TMEM168: variants seen among roughly 807,000 people sequenced by gnomAD.
The protein encoded by TMEM168 is transmembrane protein 168.
TMEM168 carries 40 observed loss-of-function variants against 53.2 expected under a neutral mutation model. The observed-to-expected ratio is 0.75, with a 90% CI of 0.58 to 0.98. The LOEUF (loss-of-function observed/expected upper bound fraction) is 0.98, where lower values mean the gene tolerates loss of function less well. Among genes scored for constraint, TMEM168 ranks in the 50% least tolerant of loss-of-function variants. TMEM168 has a pLI of 0.00. For missense variants in TMEM168, 771 were observed against 828.8 expected (o/e 0.93, Z 0.86); for synonymous variants, 282 against 293.0 (o/e 0.96, Z 0.38).
intron 4 of TMEM168, among the ~76,000 whole-genome samples, chr7:112,768,250 G>A (rs1467242960): frequency 6.6e-6 from 1 of 152,174 alleles, no homozygotes; most frequent in African/African-American, 2.4e-5. Flanking sequence ...TCATAAATAA[G>A]TTTATTGGAA....
intron 2 of TMEM168, among the ~76,000 whole-genome samples, chr7:112,779,152 A>T (rs1584445879): frequency 6.6e-6 from 1 of 152,138 alleles, no homozygotes; most frequent in Non-Finnish European, 1.5e-5. Flanking sequence ...TGGCCTCCCA[A>T]ACTGCTGGAA....
Position 112,784,077 on chromosome 7 carries a change from T to TC in TMEM168, c.748dup (p.Glu250GlyfsTer25). On this transcript the variant is annotated frameshift_variant, in exon 2 of 5. Coordinates refer to ENST00000312814, the MANE Select transcript of TMEM168 (RefSeq NM_022484.6). LOFTEE classifies it high-confidence loss of function. ...ACGGTACAAAAAGGGTTTCCATCTT[T>TC]CAGTTACTGAAAGTCCACTAAAATA... The TC allele has an allele frequency of 6.2e-7, 1 of 1,612,692 alleles. No individual in the cohort carries two copies. The highest frequency in any genetic ancestry group is 8.5e-7 in the Non-Finnish European group (1 of 1,179,718).
At position 112,762,955 on chromosome 7, in the gene TMEM168, T is replaced by C. The variant is rs957228736; in HGVS notation, c.*4242A>G. 1.3e-5 allele frequency: 2 copies of C among 152,114 alleles called. No individual in the cohort carries two copies. The highest frequency in any genetic ancestry group is 4.8e-5 in the African/African-American group (2 of 41,452). 9.4% of individuals were successfully genotyped at this position (152,114 alleles called of 1,614,324 possible). A position where few individuals can be genotyped will look rare whatever the true frequency, so the allele number is the denominator to read the frequency against. ...GCTTATGCTTATAGGCCTATTTTAC[T>C]GACCTTCCAATTTAGTTGTCACTGA... is the stretch of plus-strand genomic sequence containing the variant. On this transcript the variant is annotated 3_prime_UTR_variant, in exon 5 of 5. Transcript: ENST00000312814.
At chr7:112,769,969 C>CT (rs1792887515) in intron 4 of TMEM168, among the ~76,000 whole-genome samples, 2 of 152,148 alleles carry the variant, frequency 1.3e-5, no homozygotes, top group South Asian at 4.1e-4. Flanking sequence ...ACTGGGCCTG[C>CT]TATCAACTTG....
Position 112,764,569 on chromosome 7 carries a change from C to G in TMEM168, c.*2628G>C, listed in dbSNP as rs1249750576. ...AGGCTGGAGTGCAGTGGCGCAATCT[C>G]GGCTCACTGCAACCTCTGCCTCCCC... On this transcript the variant is annotated 3_prime_UTR_variant, in exon 5 of 5. Coordinates refer to ENST00000312814, the MANE Select transcript of TMEM168 (RefSeq NM_022484.6). The G allele has an allele frequency of 6.6e-6, 1 of 150,844 alleles. No individual in the cohort carries two copies. The highest frequency in any genetic ancestry group is 1.5e-5 in the Non-Finnish European group (1 of 67,916). The allele number at this position is 150,844 out of a possible 1,614,324, so 9.3% of individuals were successfully genotyped here.
At chr7:112,775,481 T>C (rs540287120) in intron 2 of TMEM168, among the ~76,000 whole-genome samples, 163 bp from the exon 3 acceptor site, 18 of 152,134 alleles carry the variant, frequency 1.2e-4, no homozygotes, top group Non-Finnish European at 2.2e-4. Flanking sequence ...CACGTATACA[T>C]GGATGAGCTA....
At chr7:112,778,047 C>A (rs1793136740) in intron 2 of TMEM168, among the ~76,000 whole-genome samples, 1 of 151,898 alleles carries the variant, frequency 6.6e-6, no homozygotes, top group Non-Finnish European at 1.5e-5. Flanking sequence ...TCTGTTTCTT[C>A]CAGAGAGCTG....
Position 112,767,676 on chromosome 7 carries a change from G to A in TMEM168, c.1615C>T (p.Arg539Trp), listed in dbSNP as rs369992851. ...WREKNGSFCS[R>W]LIIVLDSENS... The stretch of plus-strand genomic sequence containing the variant: ...TCGCTGTCTAATACGATAATAAGCC[G>A]GGAACAAAAGGAACCATTCTTTTCT... The change falls in exon 5 of 5, where the codon CGG becomes TGG. Residue 539 changes from arginine to tryptophan, a missense_variant. Transcript: ENST00000312814. The A allele has an allele frequency of 1.7e-5, 27 of 1,613,790 alleles. No individual in the cohort carries two copies. Among genetic ancestry groups the A allele is most frequent in the African/African-American group, 1.2e-4 (9 of 74,856 alleles).
Position 112,766,980 on chromosome 7 carries a change from T to C in TMEM168, c.*217A>G, listed in dbSNP as rs1431611088. 4 of 528,730 alleles carry C rather than the reference T, an allele frequency of 7.6e-6. No homozygotes were observed. In the African/African-American group the frequency reaches 7.7e-5, roughly 10 times the overall value. The allele number at this position is 528,730 out of a possible 1,614,324, so 32.8% of individuals were successfully genotyped here. A position where few individuals can be genotyped will look rare whatever the true frequency, so the allele number is the denominator to read the frequency against. On this transcript the variant is annotated 3_prime_UTR_variant, in exon 5 of 5. Coordinates refer to ENST00000312814, the MANE Select transcript of TMEM168 (RefSeq NM_022484.6). Reference sequence around the variant, plus strand: ...TGTTATTTTTAACGTCTCTTATGCATTTACAGTAAGCATTTGACTCCCTAC... The same window carrying C: ...TGTTATTTTTAACGTCTCTTATGCACTTACAGTAAGCATTTGACTCCCTAC...
chr7:112,775,735 GA>G lies in TMEM168; in HGVS notation c.1129-418del, dbSNP rs1392274836. Among the ~76,000 whole-genome samples, 6 of 152,036 alleles carry G rather than the reference GA, an allele frequency of 3.9e-5. No homozygotes were observed. In the Middle Eastern group the frequency reaches 0.014, roughly 345 times the overall value. On this transcript the variant is annotated intron_variant, in intron 2 of 4. Coordinates refer to ENST00000312814, the MANE Select transcript of TMEM168 (RefSeq NM_022484.6). ...ACAGATTTATTTACTTTATCAAAAA[GA>G]GTGCTTTAGAAAGGGGTCATTTTTT...
rs147283830 is a variant in TMEM168 at position 112,783,861 on chromosome 7, T to G, written c.965A>C (p.Lys322Thr). The G allele has an allele frequency of 6.2e-7, 1 of 1,604,494 alleles. No homozygotes were observed. The highest frequency in any genetic ancestry group is 2.2e-5 in the East Asian group (1 of 44,796). Residue 322 changes from lysine to threonine, a missense_variant, in exon 2 of 5, where the codon AAA becomes ACA. Coordinates refer to ENST00000312814, the MANE Select transcript of TMEM168 (RefSeq NM_022484.6). ...FLLTLWGFHT[K>T]LNDCHKVYFT... ...ATATACTTTATGGCAGTCATTTAATTTGGTATGGAATCCCCAAAGAGTTAA... is the reference window on the plus strand; with the variant it reads ...ATATACTTTATGGCAGTCATTTAATGTGGTATGGAATCCCCAAAGAGTTAA...
At position 112,775,355 on chromosome 7, in the gene TMEM168, T is replaced by C. The variant is rs1261160105; in HGVS notation, c.1129-37A>G. On this transcript the variant is annotated intron_variant, in intron 2 of 4. Transcript: ENST00000312814. ...CCAAAACATGTTTACATAGTACATG[T>C]ACATATGTGTATATATTTACATGCA... 3.2e-6 allele frequency: 5 copies of C among 1,575,516 alleles called. No homozygotes were observed. The African/African-American group carries it at 4.1e-5, about 13-fold the overall frequency.
At position 112,787,212 on chromosome 7, in the gene TMEM168, G is replaced by A. The variant is rs143007649; in HGVS notation, c.-128-2259C>T. ...CATATCCTCTATGAAGCTCAATCTC[G>A]TGTCCTTTTGACAGCTGGTATTTAG... On this transcript the variant is annotated intron_variant, in intron 1 of 4. Coordinates refer to ENST00000312814, the MANE Select transcript of TMEM168 (RefSeq NM_022484.6). 5.3e-3 allele frequency among the ~76,000 whole-genome samples: 802 copies of A among 152,210 alleles called. 3 individuals are homozygous for A. The highest frequency in any genetic ancestry group is 0.018 in the African/African-American group (740 of 41,538).
At chr7:112,779,273 A>C (rs1398803568) in intron 2 of TMEM168, among the ~76,000 whole-genome samples, 2 of 152,232 alleles carry the variant, frequency 1.3e-5, no homozygotes, top group Non-Finnish European at 2.9e-5. Context: ...AAGCAAGCTT[A>C]GAAAAACAGT....
intron 2 of TMEM168, among the ~76,000 whole-genome samples, chr7:112,778,908 T>C (rs1430796702): frequency 6.6e-6 from 1 of 152,172 alleles, no homozygotes; most frequent in Non-Finnish European, 1.5e-5. Flanking sequence ...TTATGCTGAT[T>C]GACAGGGTCT....
rs367967012 is a variant in TMEM168 at position 112,783,672 on chromosome 7, G to A, written c.1128+26C>T. 1.3e-5 allele frequency: 19 copies of A among 1,433,938 alleles called. No homozygotes were observed. The African/African-American group carries it at 2.5e-4, about 19-fold the overall frequency. 88.8% of individuals were successfully genotyped at this position (1,433,938 alleles called of 1,614,324 possible). A position where few individuals can be genotyped will look rare whatever the true frequency, so the allele number is the denominator to read the frequency against. ...CTAGCATTTTATTACACGTCATTGG[G>A]GTTGCTGGACAAACAATAAGCTTAC... On this transcript the variant is annotated intron_variant, in intron 2 of 4. Coordinates refer to ENST00000312814, the MANE Select transcript of TMEM168 (RefSeq NM_022484.6).
Position 112,767,399 on chromosome 7 carries a change from G to A in TMEM168, c.1892C>T (p.Thr631Met), listed in dbSNP as rs551104304. ...RWSDYTLHLP[T>M]GSDVAKHWML... is the part of the protein sequence containing the mutation. ...CCAGTGCTTGGCCACATCGCTTCCCGTTGGCAAATGCAGAGTGTAGTCACT... is the reference window on the plus strand; with the variant it reads ...CCAGTGCTTGGCCACATCGCTTCCCATTGGCAAATGCAGAGTGTAGTCACT... The change falls in exon 5 of 5, where the codon ACG (threonine) becomes ATG (methionine). Residue 631 changes from threonine to methionine, a missense_variant. By Grantham distance (81) the Thr-to-Met change is moderately conservative. Coordinates refer to ENST00000312814, the MANE Select transcript of TMEM168 (RefSeq NM_022484.6). The A allele has an allele frequency of 3.0e-5, 48 of 1,614,106 alleles. No homozygotes were observed. Among genetic ancestry groups the A allele is most frequent in the Middle Eastern group, 1.6e-4 (1 of 6,062 alleles).
intron 1 of TMEM168, among the ~76,000 whole-genome samples, chr7:112,788,302 C>T (rs1584456297): frequency 6.6e-6 from 1 of 152,060 alleles, no homozygotes; most frequent in Admixed American, 6.6e-5. Flanking sequence ...CTTAAGTGCA[C>T]ACATATATTA....
chr7:112,786,794 C>T (rs1399498231), intron 1 of TMEM168, among the ~76,000 whole-genome samples: 1 of 152,122 alleles, frequency 6.6e-6, no homozygotes, highest in African/African-American at 2.4e-5. Context: ...GGTCAACATT[C>T]TTCCCCATTC....
Sources: allele counts gnomAD v4.1 joint callset (sites outside exome capture counted in the v4.1 genomes callset), GRCh38; gene constraint gnomAD v4.1.1; transcripts MANE v1.5; gene names NCBI Gene and HGNC (gene_info 2026-07-23, HGNC 2026-07-21).